Variants in HOXA3 observed in about 807,000 individuals in gnomAD.
HOXA3 encodes homeobox A3, also known as homeobox protein Hox-A3.
In HOXA3, 8 loss-of-function variants were observed where a neutral mutation model predicts 30.3. The ratio of observed to expected loss-of-function variants is 0.26; its 90% CI spans 0.15 to 0.48. The LOEUF (loss-of-function observed/expected upper bound fraction) is 0.48. HOXA3 is among the 20% of genes least tolerant of loss of function. The pLI is 0.99. For synonymous variants in HOXA3, 323 were observed against 273.1 expected (o/e 1.18, Z -1.80); for missense variants, 653 against 614.4 (o/e 1.06, Z -0.66).
At chr7:27,109,035 T>C (rs1201571590) in intron 5 of HOXA3, among the ~76,000 whole-genome samples, 3 of 152,194 alleles carry the variant, frequency 2.0e-5, no homozygotes, top group African/African-American at 7.2e-5. Context: ...CCCTTTGGCC[T>C]ATCGGACAAC....
At position 27,107,989 on chromosome 7, in the gene HOXA3, T is replaced by C; in HGVS notation, c.1258A>G (p.Thr420Ala). ...HGPGPGEPHP[T>A]YTDLTGHHPS... ...TGGTGGCCGGTAAGGTCCGTGTAGG[T>C]GGGGTGCGGCTCCCCAGGCCCCGGC... Residue 420 changes from threonine to alanine, a missense_variant, in exon 6 of 6, where the codon ACC (threonine) becomes GCC (alanine). Around this residue, in one of 3 missense-constraint regions of HOXA3, gnomAD observed 330 missense variants for 274.4 expected, o/e 1.20. Transcript: ENST00000612286. 6.2e-7 allele frequency: 1 copy of C among 1,611,106 alleles called. No homozygotes were observed. The highest frequency in any genetic ancestry group is 8.5e-7 in the Non-Finnish European group (1 of 1,178,210).
chr7:27,130,804 C>T, intron 2 of HOXA3: 1 of 1,450,160 alleles, frequency 6.9e-7, no homozygotes, highest in Non-Finnish European at 9.4e-7. Flanking sequence ...GAGGCCCCTC[C>T]CCCTCCTGCC....
At chr7:27,147,043 A>G (rs1782792615) in intron 1 of HOXA3, 1 of 531,924 alleles carries the variant, frequency 1.9e-6, no homozygotes, top group Non-Finnish European at 3.3e-6. Flanking sequence ...TGTCCCTGTC[A>G]CAGGTCTCAT....
intron 1 of HOXA3, among the ~76,000 whole-genome samples, chr7:27,144,623 G>C (rs1782688098): frequency 6.6e-6 from 1 of 152,222 alleles, no homozygotes. Flanking sequence ...CAGCCACAGA[G>C]GCTGCCTGGG....
At chr7:27,131,894 A>G (rs747649907) in intron 2 of HOXA3, among the ~76,000 whole-genome samples, 5 of 152,370 alleles carry the variant, frequency 3.3e-5, no homozygotes, top group South Asian at 2.1e-4. Flanking sequence ...TAATTTCTGA[A>G]TTGCTGAAAA....
At chr7:27,134,648 G>A (rs1785662039) in intron 2 of HOXA3, among the ~76,000 whole-genome samples, 1 of 152,206 alleles carries the variant, frequency 6.6e-6, no homozygotes, top group South Asian at 2.1e-4. Flanking sequence ...AATCACCACA[G>A]TTGTTTCCTT....
chr7:27,117,100 G>T (rs1784764620), intron 4 of HOXA3, among the ~76,000 whole-genome samples: 1 of 152,232 alleles, frequency 6.6e-6, no homozygotes, highest in East Asian at 1.9e-4. Context: ...CTTCCCAGGA[G>T]TGTGGGGTCC....
chr7:27,111,808 A>G (rs1038150655), intron 4 of HOXA3, among the ~76,000 whole-genome samples: 3 of 152,200 alleles, frequency 2.0e-5, no homozygotes, highest in African/African-American at 7.2e-5. Context: ...CCATGACCAC[A>G]GTTTGAACTC....
intron 2 of HOXA3, among the ~76,000 whole-genome samples, chr7:27,139,872 G>C (rs1187889288): frequency 2.6e-5 from 4 of 152,180 alleles, no homozygotes; most frequent in African/African-American, 9.7e-5. Flanking sequence ...TAGGCCTGGG[G>C]ATGCGGCGCG....
At chr7:27,109,230 G>A (rs1395993836) in intron 5 of HOXA3, among the ~76,000 whole-genome samples, 1 of 152,194 alleles carries the variant, frequency 6.6e-6, no homozygotes, top group Non-Finnish European at 1.5e-5. Flanking sequence ...AAACTGGAAG[G>A]CCTTCTCTGC....
chr7:27,143,254 C>T (rs1410572142), intron 1 of HOXA3: 2 of 1,608,588 alleles, frequency 1.2e-6, no homozygotes, highest in African/African-American at 1.3e-5. Flanking sequence ...GGGAGTTTTT[C>T]CCGCCGTGGT....
In HOXA3 at chr7:27,108,625, T is replaced by C. The variant is rs765359429; in HGVS notation, c.622A>G (p.Lys208Glu). The change falls in exon 6 of 6, where the codon AAA becomes GAA. Residue 208 changes from lysine to glutamate, a missense_variant. Physicochemically the swap from Lys to Glu is moderately conservative, Grantham distance 56. This residue lies in a region of HOXA3 where 320 missense variants were observed against 321.9 expected (regional missense o/e 0.99). Coordinates refer to ENST00000612286, the MANE Select transcript of HOXA3 (RefSeq NM_153631.3). The surrounding 1 kb of genome is among the most constrained non-coding windows in gnomAD (Gnocchi z 5.0). ...YTSAQLVELE[K>E]EFHFNRYLCR... ...AGGTAGCGGTTGAAGTGGAACTCTTTCTCCAGCTCCACCAGCTGCGCGCTC... is the reference window on the plus strand; with the variant it reads ...AGGTAGCGGTTGAAGTGGAACTCTTCCTCCAGCTCCACCAGCTGCGCGCTC... The C allele has an allele frequency of 1.2e-6, 2 of 1,614,108 alleles. No homozygotes were observed. Among genetic ancestry groups the C allele is most frequent in the South Asian group, 2.2e-5 (2 of 91,084 alleles).
chr7:27,117,904 G>A (rs1458875592), intron 4 of HOXA3, among the ~76,000 whole-genome samples: 1 of 152,172 alleles, frequency 6.6e-6, no homozygotes, highest in Non-Finnish European at 1.5e-5. Context: ...CCTTGCACTG[G>A]GGGCCACTGG....
At chr7:27,146,040 C>G (rs1398028143) in intron 1 of HOXA3, 1 of 1,155,288 alleles carries the variant, frequency 8.7e-7, no homozygotes, top group Non-Finnish European at 1.2e-6. Context: ...CAGCCTCTCC[C>G]ACTATGTCTG....
intron 4 of HOXA3, chr7:27,121,203 T>C (rs1424991426): frequency 6.7e-6 from 1 of 150,084 alleles, no homozygotes. Context: ...GGTAAGGCTC[T>C]CTTAGCCCAC....
chr7:27,107,468 CTTTGA>C lies in HOXA3; in HGVS notation c.*442_*446del, dbSNP rs1434283193. On this transcript the variant is annotated 3_prime_UTR_variant, in exon 6 of 6. Coordinates refer to ENST00000612286, the MANE Select transcript of HOXA3 (RefSeq NM_153631.3). The stretch of plus-strand genomic sequence containing the variant: ...ACAGAGAGCCCCTGTTTCAAAGCGC[CTTTGA>C]TTTTTTTTCTCACTCTTTACAAGAA... 1.3e-5 allele frequency: 2 copies of C among 153,050 alleles called. No individual in the cohort carries two copies. The highest frequency in any genetic ancestry group is 2.9e-5 in the Non-Finnish European group (2 of 68,870). The allele number at this position is 153,050 out of a possible 1,614,324, so 9.5% of individuals were successfully genotyped here.
chr7:27,134,458 G>T (rs1450501144), intron 2 of HOXA3, among the ~76,000 whole-genome samples: 1 of 152,192 alleles, frequency 6.6e-6, no homozygotes, highest in African/African-American at 2.4e-5. Context: ...TAGCTAAGAG[G>T]TATCTATGGT....
chr7:27,143,515 G>A (rs1175219904), intron 1 of HOXA3: 1 of 1,613,754 alleles, frequency 6.2e-7, no homozygotes, highest in Non-Finnish European at 8.5e-7. Flanking sequence ...TGAATTGCTC[G>A]CTCACGGAAC....
chr7:27,148,526 C>G (rs1782865755), intron 1 of HOXA3, among the ~76,000 whole-genome samples: 1 of 152,264 alleles, frequency 6.6e-6, no homozygotes, highest in Non-Finnish European at 1.5e-5. Flanking sequence ...CACCCATTCC[C>G]TCCTCCCACA....
Sources: allele counts gnomAD v4.1 joint callset (sites outside exome capture counted in the v4.1 genomes callset), GRCh38; gene constraint gnomAD v4.1.1; regional missense constraint gnomAD v4.1.1; non-coding constraint Gnocchi (gnomAD v3.1); transcripts MANE v1.5; gene names NCBI Gene and HGNC (gene_info 2026-07-23, HGNC 2026-07-21).